ELN: variants seen among roughly 807,000 people sequenced by gnomAD.
ELN encodes tropoelastin.
In ELN, 65 loss-of-function variants were observed where a neutral mutation model predicts 105.8. The ratio of observed to expected loss-of-function variants is 0.61; its 90% CI spans 0.50 to 0.75. The LOEUF is 0.75. Among genes scored for constraint, ELN ranks in the 30% least tolerant of loss-of-function variants. The pLI is 0.00. For synonymous variants in ELN, 368 were observed against 389.2 expected (o/e 0.95, Z 0.64); for missense variants, 882 against 969.4 (o/e 0.91, Z 1.20).
chr7:74,054,792 T>A (rs782045287), intron 19 of ELN, 23 bp downstream of exon 19: 7 of 1,613,518 alleles, frequency 4.3e-6, no homozygotes, highest in African/African-American at 1.3e-5. Flanking sequence ...CTGACAGCTC[T>A]GCCCCACCCT....
In ELN at chr7:74,058,056, CCTTCTT is replaced by C. The variant is rs569093979; in HGVS notation, c.1414+373_1414+378del. On this transcript the variant is annotated intron_variant, in intron 22 of 32. Transcript: ENST00000252034. Reference sequence around the variant, plus strand: ...TCCTTCTTCTTCTTGTGCTCCTCTTCCTTCTTCTTCTTCTTCTTTCTTCTCCTCCTC... The same window carrying C: ...TCCTTCTTCTTCTTGTGCTCCTCTTCCTTCTTCTTCTTTCTTCTCCTCCTC... Among the ~76,000 whole-genome samples, 87 of 151,296 alleles carry C rather than the reference CCTTCTT, an allele frequency of 5.8e-4. No individual in the cohort carries two copies. The South Asian group carries it at 0.015, about 26-fold the overall frequency.
At chr7:74,058,974 G>A (rs562152798) in intron 22 of ELN, among the ~76,000 whole-genome samples, 1 of 152,166 alleles carries the variant, frequency 6.6e-6, no homozygotes, top group South Asian at 2.1e-4. Context: ...CCAGGTTGGA[G>A]TGCAGTGATG....
chr7:74,067,346 C>A (rs2132732540), intron 32 of ELN, among the ~76,000 whole-genome samples: 1 of 152,086 alleles, frequency 6.6e-6, no homozygotes, highest in East Asian at 2.0e-4. Flanking sequence ...TGGCTCACTG[C>A]AACCTCTGCC....
intron 25 of ELN, 78 bp from the exon 26 acceptor site, chr7:74,061,023 G>A: frequency 6.4e-7 from 1 of 1,566,442 alleles, no homozygotes; most frequent in South Asian, 1.1e-5. Flanking sequence ...GTCAGGGAGG[G>A]CTCTCTAGAG....
At chr7:74,065,459 C>A (rs1404848185) in intron 29 of ELN, among the ~76,000 whole-genome samples, 1 of 151,438 alleles carries the variant, frequency 6.6e-6, no homozygotes, top group African/African-American at 2.4e-5. Context: ...ACTAAAAATA[C>A]AAAAATTAGC....
chr7:74,030,596 G>A (rs1007190025), intron 1 of ELN, among the ~76,000 whole-genome samples: 1 of 150,292 alleles, frequency 6.7e-6, no homozygotes, highest in South Asian at 2.1e-4. Flanking sequence ...ACAGGGTCTC[G>A]CTGTGTTGTC....
At chr7:74,042,094 G>C (rs532329868) in intron 5 of ELN, among the ~76,000 whole-genome samples, 2 of 151,926 alleles carry the variant, frequency 1.3e-5, no homozygotes, top group South Asian at 4.2e-4. Context: ...AGTTTTGTCA[G>C]AGCTGTCTAA....
At position 74,028,213 on chromosome 7, in the gene ELN, C is replaced by T. The variant is rs782292334; in HGVS notation, c.26C>T (p.Pro9Leu). Residue 9 changes from proline (P) to leucine (L), a missense_variant, in exon 1 of 33, where the codon CCG becomes CTG. Pro to Leu is a moderately conservative substitution (Grantham distance 98). Transcript: ENST00000252034. MAGLTAAAPRPGVLLLLLS... is the reference protein window; with the variant it reads MAGLTAAALRPGVLLLLLS... ...ATGGCGGGTCTGACGGCGGCGGCCC[C>T]GCGGCCCGGAGTCCTCCTGCTCCTG... The T allele has an allele frequency of 2.0e-5, 32 of 1,611,260 alleles. No individual in the cohort carries two copies. The South Asian group carries it at 2.6e-4, about 13-fold the overall frequency.
chr7:74,056,404 A>G lies in ELN; in HGVS notation c.1284A>G (p.Gly428=). 6.2e-7 allele frequency: 1 copy of G among 1,613,514 alleles called. No individual in the cohort carries two copies. The highest frequency in any genetic ancestry group is 8.5e-7 in the Non-Finnish European group (1 of 1,179,700). Residue 428 remains glycine, a synonymous_variant, in exon 20 of 33, where the codon GGA becomes GGG. Transcript: ENST00000252034. ...AGVPGVGGVP[G]VGGVPGVGIS... is the part of the protein sequence containing the mutation. ...TCCCTGGTGTCGGAGGTGTTCCCGG[A>G]GTCGGAGGTGTCCCGGGAGTTGGCA...
intron 32 of ELN, 88 bp downstream of exon 32, chr7:74,066,864 G>A: frequency 7.0e-7 from 1 of 1,438,112 alleles, no homozygotes; most frequent in Non-Finnish European, 9.7e-7. Context: ...GCTCAGAAGG[G>A]CTGAGCCAGC....
In ELN at chr7:74,061,102, A is replaced by T. The variant is rs1554684183; in HGVS notation, c.1749A>T (p.Val583=). 6.2e-7 allele frequency: 1 copy of T among 1,614,122 alleles called. No individual in the cohort carries two copies. ...TCCCCAACTTTTCTTTCTCCCCAGT[A>T]CCTGGAGCCCTGGCTGCCGCTAAAG... is the stretch of plus-strand genomic sequence containing the variant. The part of the protein sequence containing the change: ...VGAGVPGFGA[V]PGALAAAKAA... The change falls in exon 26 of 33, where the codon GTA becomes GTT. Residue 583 remains valine, a splice_region_variant and synonymous_variant. Coordinates refer to ENST00000252034, the MANE Select transcript of ELN (RefSeq NM_000501.4).
Position 74,046,190 on chromosome 7 carries a change from G to A in ELN, c.544G>A (p.Val182Ile), listed in dbSNP as rs782675403. Reference protein sequence around the residue: ...GAGVKPKAPGVGGAFAGIPGV... With the variant: ...GAGVKPKAPGIGGAFAGIPGV... ...GTGACAGCTTTTTATCATTACAGGT[G>A]TAGGTGGAGCTTTTGCTGGAATCCC... The change falls in exon 11 of 33, where the codon GTA becomes ATA. Residue 182 changes from valine (V) to isoleucine (I), a missense_variant and splice_region_variant. Coordinates refer to ENST00000252034, the MANE Select transcript of ELN (RefSeq NM_000501.4). 8 of 1,614,132 alleles carry A rather than the reference G, an allele frequency of 5.0e-6. No individual in the cohort carries two copies. In the South Asian group the frequency reaches 6.6e-5, roughly 13 times the overall value.
intron 30 of ELN, 21 bp downstream of exon 30, chr7:74,065,753 T>G: frequency 6.2e-7 from 1 of 1,613,990 alleles, no homozygotes; most frequent in African/African-American, 1.3e-5. Context: ...CTCTGATGCC[T>G]TCCTGCCAGT....
intron 14 of ELN, 116 bp downstream of exon 14, chr7:74,048,317 C>T (rs1793055255): frequency 1.3e-6 from 2 of 1,539,714 alleles, no homozygotes; most frequent in African/African-American, 1.4e-5. Context: ...CATCCAGACC[C>T]TGGTCCAAAC....
At chr7:74,064,442 A>ATG (rs1554687767) in intron 29 of ELN, among the ~76,000 whole-genome samples, 8 of 145,912 alleles carry the variant, frequency 5.5e-5, no homozygotes, top group East Asian at 4.0e-4. Context: ...ATATATATAT[A>ATG]TATGTATGTA....
intron 4 of ELN, among the ~76,000 whole-genome samples, chr7:74,039,683 G>A (rs1254451936): frequency 2.0e-5 from 3 of 152,272 alleles, no homozygotes; most frequent in Non-Finnish European, 2.9e-5. Context: ...CGCCCACTGA[G>A]AGGGGCACGG....
Position 74,066,048 on chromosome 7 carries a change from AG to A in ELN, c.2086+56del, listed in dbSNP as rs1235022966. ...AGTCCTCAGCTCTGTCCCGATCTAG[AG>A]GGGGCCTGTCCATCTAGCAGTGGGG... On this transcript the variant is annotated intron_variant, in intron 31 of 32. Coordinates refer to ENST00000252034, the MANE Select transcript of ELN (RefSeq NM_000501.4). 80 of 1,612,812 alleles carry A rather than the reference AG, an allele frequency of 5.0e-5. 1 individual carries two copies. The highest frequency in any genetic ancestry group is 6.2e-5 in the Non-Finnish European group (73 of 1,179,352).
At chr7:74,034,336 G>A (rs375413610) in intron 1 of ELN, among the ~76,000 whole-genome samples, 2 of 152,274 alleles carry the variant, frequency 1.3e-5, no homozygotes, top group East Asian at 3.9e-4. Flanking sequence ...GCTGCCTGGT[G>A]AGAGGTGCTC....
At position 74,060,448 on chromosome 7, in the gene ELN, G is replaced by T. The variant is rs782075257; in HGVS notation, c.1694G>T (p.Gly565Val). 6.2e-7 allele frequency: 1 copy of T among 1,613,800 alleles called. No individual in the cohort carries two copies. Among genetic ancestry groups the T allele is most frequent in the Non-Finnish European group, 8.5e-7 (1 of 1,179,974 alleles). ...VGVGVPGLGV[G>V]AGVPGLGVGA... is the part of the protein sequence containing the mutation. ...GTCGGCGTCCCTGGACTTGGAGTTG[G>T]TGCTGGTGTTCCTGGACTTGGAGTT... The change falls in exon 25 of 33, where the codon GGT becomes GTT. Residue 565 changes from glycine to valine, a missense_variant. Transcript: ENST00000252034.
Sources: allele counts gnomAD v4.1 joint callset (sites outside exome capture counted in the v4.1 genomes callset), GRCh38; gene constraint gnomAD v4.1.1; transcripts MANE v1.5; gene names NCBI Gene and HGNC (gene_info 2026-07-23, HGNC 2026-07-21).